The following TMEM273 variants were observed in gnomAD, a reference collection of about 807,000 sequenced individuals.
The protein encoded by TMEM273 is transmembrane protein 273, also known as chromosome 10 open reading frame 128.
TMEM273 carries 19 observed loss-of-function variants against 17.9 expected under a neutral mutation model. The observed-to-expected ratio is 1.06, with a 90% CI of 0.74 to 1.55. The LOEUF (loss-of-function observed/expected upper bound fraction) is 1.55, where lower values mean the gene tolerates loss of function less well. Among genes scored for constraint, TMEM273 ranks in the 40% most tolerant of loss-of-function variants. TMEM273 has a pLI of 0.00. For missense variants in TMEM273, 194 were observed against 155.6 expected (o/e 1.25, Z -1.31); for synonymous variants, 66 against 62.0 (o/e 1.07, Z -0.31).
In TMEM273 at chr10:49,165,217, C is replaced by T. The variant is rs746792895; in HGVS notation, c.336G>A (p.Glu112=). The change falls in exon 5 of 7, where the codon GAG becomes GAA. Residue 112 remains glutamate, a synonymous_variant. Transcript: ENST00000374153. The part of the protein sequence containing the change: ...SLLQCHHCIM[E]GLFKAKPQFL... ...GAGGGGATTGTACCTTAAATAGGCC[C>T]TCCATGATGCAGTGGTGACACTGAA... The T allele has an allele frequency of 1.3e-6, 2 of 1,549,922 alleles. No homozygotes were observed. Among genetic ancestry groups the T allele is most frequent in the East Asian group, 2.4e-5 (1 of 40,908 alleles).
intron 1 of TMEM273, among the ~76,000 whole-genome samples, chr10:49,181,681 C>T (rs1455663937): frequency 6.6e-6 from 1 of 152,068 alleles, no homozygotes; most frequent in African/African-American, 2.4e-5. Context: ...TGATTAAATT[C>T]ATACTTTAAA....
chr10:49,173,439 C>T lies in TMEM273; in HGVS notation c.44-5477G>A, dbSNP rs117713829. 3.2e-3 allele frequency among the ~76,000 whole-genome samples: 487 copies of T among 152,338 alleles called. 5 individuals carry two copies. Among genetic ancestry groups the T allele is most frequent in the East Asian group, 0.014 (75 of 5,184 alleles). ...GGATGTGCAAGCCATGCAACACACACGGCTCCTGGCCTCTGCACAGGCTGC... is the reference window on the plus strand; with the variant it reads ...GGATGTGCAAGCCATGCAACACACATGGCTCCTGGCCTCTGCACAGGCTGC... On this transcript the variant is annotated intron_variant, in intron 1 of 6. Coordinates refer to ENST00000374153, the MANE Select transcript of TMEM273 (RefSeq NM_001288740.3).
chr10:49,179,786 C>T (rs983316678), intron 1 of TMEM273, among the ~76,000 whole-genome samples: 1 of 152,124 alleles, frequency 6.6e-6, no homozygotes, highest in Non-Finnish European at 1.5e-5. Context: ...GGCACAAACA[C>T]AGAAGCCCCA....
In TMEM273 at chr10:49,188,263, C is replaced by T. The variant is rs181582153; in HGVS notation, c.43+31G>A. Reference sequence around the variant, plus strand: ...AGTTTCCTGCCCACTGAGGCTCCCCCGGGCCAGAGACCCCCGCAGTCCCCA... The same window carrying T: ...AGTTTCCTGCCCACTGAGGCTCCCCTGGGCCAGAGACCCCCGCAGTCCCCA... On this transcript the variant is annotated intron_variant, in intron 1 of 6. Transcript: ENST00000374153. The T allele has an allele frequency of 9.8e-5, 158 of 1,613,270 alleles. No homozygotes were observed. In the African/African-American group the frequency reaches 1.7e-3, roughly 17 times the overall value.
intron 1 of TMEM273, among the ~76,000 whole-genome samples, chr10:49,183,148 G>C (rs1407059974): frequency 6.6e-6 from 1 of 152,110 alleles, no homozygotes; most frequent in Non-Finnish European, 1.5e-5. Flanking sequence ...CAAAACCAAG[G>C]CTATAGAGGA....
chr10:49,155,858 A>G lies in TMEM273; in HGVS notation c.*34T>C. ...ACCATGGGCTGTTTTCCACGGGGCTAGAACCCCTCTTCACGTCACTGCTCA... is the reference window on the plus strand; with the variant it reads ...ACCATGGGCTGTTTTCCACGGGGCTGGAACCCCTCTTCACGTCACTGCTCA... On this transcript the variant is annotated 3_prime_UTR_variant, in exon 7 of 7. Coordinates refer to ENST00000374153, the MANE Select transcript of TMEM273 (RefSeq NM_001288740.3). 1.2e-6 allele frequency: 2 copies of G among 1,614,168 alleles called. No homozygotes were observed. Among genetic ancestry groups the G allele is most frequent in the Non-Finnish European group, 1.7e-6 (2 of 1,180,020 alleles).
chr10:49,165,314 A>G (rs1846102743), intron 4 of TMEM273, 31 bp from the exon 5 acceptor site: 4 of 1,550,540 alleles, frequency 2.6e-6, no homozygotes, highest in Non-Finnish European at 3.5e-6. Context: ...TACAGAAAAC[A>G]GCAAGTGCAA....
chr10:49,182,410 GA>G (rs1039281111), intron 1 of TMEM273, among the ~76,000 whole-genome samples: 3 of 150,424 alleles, frequency 2.0e-5, no homozygotes, highest in Non-Finnish European at 3.0e-5. Flanking sequence ...AATTAAGGGA[GA>G]AAAAAAAAGA....
At chr10:49,159,011 A>G (rs1349064508) in intron 6 of TMEM273, among the ~76,000 whole-genome samples, 1 of 152,222 alleles carries the variant, frequency 6.6e-6, no homozygotes, top group Non-Finnish European at 1.5e-5. Context: ...TATCACAGAA[A>G]GAATAAACCA....
intron 6 of TMEM273, chr10:49,156,273 G>A: frequency 1.5e-6 from 2 of 1,334,046 alleles, no homozygotes; most frequent in Non-Finnish European, 2.0e-6. Flanking sequence ...CGAGGAACAA[G>A]ATAGATAGAC....
At chr10:49,156,275 T>C (rs765517323) in intron 6 of TMEM273, 123 of 1,329,160 alleles carry the variant, frequency 9.3e-5, no homozygotes, top group Non-Finnish European at 1.1e-4. Flanking sequence ...AGGAACAAGA[T>C]AGATAGACCT....
At chr10:49,172,424 G>T (rs775661244) in intron 1 of TMEM273, among the ~76,000 whole-genome samples, 11 of 152,164 alleles carry the variant, frequency 7.2e-5, no homozygotes, top group Admixed American at 6.5e-5. Context: ...GGTGCAGAGT[G>T]GGCACTGGTG....
intron 3 of TMEM273, 109 bp downstream of exon 3, chr10:49,166,760 G>T: frequency 1.3e-6 from 2 of 1,516,816 alleles, no homozygotes; most frequent in Non-Finnish European, 9.1e-7. Flanking sequence ...TTTACAGCCT[G>T]TTGGGCTCTG....
At chr10:49,186,027 G>GAAA in intron 1 of TMEM273, among the ~76,000 whole-genome samples, 1 of 146,778 alleles carries the variant, frequency 6.8e-6, no homozygotes, top group African/African-American at 2.5e-5. Flanking sequence ...GGAAGAAGAA[G>GAAA]AAGAAGAAAA....
intron 1 of TMEM273, among the ~76,000 whole-genome samples, chr10:49,183,928 T>G (rs772223954): frequency 3.5e-5 from 4 of 113,100 alleles, no homozygotes; most frequent in Non-Finnish European, 7.3e-5. Flanking sequence ...TCTATCAAGA[T>G]TAGTCAGCTA....
intron 1 of TMEM273, among the ~76,000 whole-genome samples, chr10:49,186,017 GGAA>G (rs775193196): frequency 0.012 from 922 of 78,722 alleles, 10 homozygotes; most frequent in African/African-American, 0.035. Flanking sequence ...AGGAGGAGGA[GGAA>G]GAAGAAGAAG....
rs1846198077 is a variant in TMEM273 at position 49,166,570 on chromosome 10, C to T, written c.238+299G>A. On this transcript the variant is annotated intron_variant, in intron 3 of 6. Transcript: ENST00000374153. ...CCAGGAAATGTGATTCTCAGGACTGCCAAGAGCAACTGAAAGGAAAAGTAC... is the reference window on the plus strand; with the variant it reads ...CCAGGAAATGTGATTCTCAGGACTGTCAAGAGCAACTGAAAGGAAAAGTAC... 1.0e-5 allele frequency: 4 copies of T among 388,096 alleles called. No homozygotes were observed. In the South Asian group the frequency reaches 1.0e-4, roughly 10 times the overall value. The allele number at this position is 388,096 out of a possible 1,614,324, so 24.0% of individuals were successfully genotyped here. A position where few individuals can be genotyped will look rare whatever the true frequency, so the allele number is the denominator to read the frequency against.
Position 49,161,585 on chromosome 10 carries a change from C to T in TMEM273, c.372+14G>A, listed in dbSNP as rs1367772548. Reference sequence around the variant, plus strand: ...GTCCTCCTTTTAAGACAAGTGATCACTCTTACAACTCACCTTTTGGAGAAA... The same window carrying T: ...GTCCTCCTTTTAAGACAAGTGATCATTCTTACAACTCACCTTTTGGAGAAA... On this transcript the variant is annotated intron_variant, in intron 6 of 6. Transcript: ENST00000374153. The T allele has an allele frequency of 1.2e-6, 2 of 1,614,106 alleles. No homozygotes were observed. Among genetic ancestry groups the T allele is most frequent in the African/African-American group, 1.3e-5 (1 of 74,944 alleles).
chr10:49,164,704 C>T lies in TMEM273; in HGVS notation c.348+501G>A, dbSNP rs1256471802. ...TGATGCCTACATATACTAGGGTTCCCTCTGCATTCATGAGCTTCTCTTAGT... is the reference window on the plus strand; with the variant it reads ...TGATGCCTACATATACTAGGGTTCCTTCTGCATTCATGAGCTTCTCTTAGT... On this transcript the variant is annotated intron_variant, in intron 5 of 6. Transcript: ENST00000374153. 2.0e-5 allele frequency among the ~76,000 whole-genome samples: 3 copies of T among 152,190 alleles called. No homozygotes were observed. In the East Asian group the frequency reaches 5.8e-4, roughly 29 times the overall value.
Sources: gnomAD v4.1 joint callset for allele counts (sites outside exome capture counted in the v4.1 genomes callset) on GRCh38, gnomAD v4.1.1 for gene constraint, MANE v1.5 for transcripts, NCBI Gene and HGNC (gene_info 2026-07-23, HGNC 2026-07-21) for gene names.